PRKCZ: variants seen among roughly 807,000 people sequenced by gnomAD.
PRKCZ encodes the protein protein kinase C zeta, also known as protein kinase C zeta type.
A neutral mutation model predicts 79.5 loss-of-function variants in PRKCZ; 33 were observed. The ratio of observed to expected loss-of-function variants is 0.41; its 90% CI spans 0.31 to 0.55. The LOEUF (loss-of-function observed/expected upper bound fraction) is 0.55, where lower values mean the gene tolerates loss of function less well. PRKCZ is among the 20% of genes least tolerant of loss of function. The pLI is 0.19. For missense variants in PRKCZ, 578 were observed against 813.5 expected (o/e 0.71, Z 3.52); for synonymous variants, 342 against 320.9 (o/e 1.07, Z -0.70).
chr1:2,145,374 C>T (rs1312012562), intron 6 of PRKCZ: 1 of 152,198 alleles, frequency 6.6e-6, no homozygotes, highest in East Asian at 1.9e-4. Context: ...CCCCCTGATG[C>T]TTGGTTACTG....
At chr1:2,051,107 G>A (rs28709994) in intron 1 of PRKCZ, 12,177 of 157,942 alleles carry the variant, frequency 0.077, 658 homozygotes, top group East Asian at 0.24. Flanking sequence ...ACCCGGTCGG[G>A]GGTCTCGCTT....
chr1:2,068,099 C>T (rs902954891), intron 4 of PRKCZ, among the ~76,000 whole-genome samples: 1 of 152,262 alleles, frequency 6.6e-6, no homozygotes, highest in Non-Finnish European at 1.5e-5. Flanking sequence ...CAGTACGTTC[C>T]TTGGGGCAGC....
At chr1:2,140,705 A>G (rs1181616729) in intron 5 of PRKCZ, among the ~76,000 whole-genome samples, 1 of 152,112 alleles carries the variant, frequency 6.6e-6, no homozygotes, top group African/African-American at 2.4e-5. Context: ...GCAGTAGCTC[A>G]CACCTGTAAT....
chr1:2,137,485 A>G (rs1175122291), intron 5 of PRKCZ, among the ~76,000 whole-genome samples: 2 of 152,228 alleles, frequency 1.3e-5, no homozygotes, highest in African/African-American at 4.8e-5. Flanking sequence ...ACAGTGCCGC[A>G]GGGCTGCGCC....
At chr1:2,141,561 A>G (rs2945573) in intron 5 of PRKCZ, 116,503 of 152,394 alleles carry the variant, frequency 0.76, 45,159 homozygotes, top group African/African-American at 0.9. Flanking sequence ...GGTCAGGCTG[A>G]TCTCGAACTC....
At chr1:2,059,148 G>C (rs986471062) in intron 3 of PRKCZ, among the ~76,000 whole-genome samples, 2 of 152,170 alleles carry the variant, frequency 1.3e-5, no homozygotes, top group African/African-American at 4.8e-5. Flanking sequence ...GGAAGCCCAG[G>C]ATATATGTTA....
At chr1:2,073,829 C>A in intron 4 of PRKCZ, 1 of 1,040,228 alleles carries the variant, frequency 9.6e-7, no homozygotes, top group Non-Finnish European at 1.2e-6. Context: ...GGCGAGCCGA[C>A]GCAGCATCAG....
At chr1:2,073,515 G>T (rs16824694) in intron 4 of PRKCZ, 4 of 623,892 alleles carry the variant, frequency 6.4e-6, no homozygotes, top group Non-Finnish European at 6.0e-6. Flanking sequence ...TTCTGATGTC[G>T]CATTTTCAAG....
At chr1:2,140,519 T>G (rs539014033) in intron 5 of PRKCZ, among the ~76,000 whole-genome samples, 4 of 151,282 alleles carry the variant, frequency 2.6e-5, no homozygotes, top group South Asian at 2.1e-4. Context: ...TAGCCAGGCG[T>G]GGTGGTGGGT....
rs759091849 is a variant in PRKCZ at position 2,055,607 on chromosome 1, C to G, written c.193+45C>G. 3 of 1,588,212 alleles carry G rather than the reference C, an allele frequency of 1.9e-6. No homozygotes were observed. The East Asian group carries it at 6.8e-5, about 36-fold the overall frequency. ...GGCCAGAATCCTCAGCCTCAGGGGA[C>G]TTCGCCAGGGCAGCCTCTGTGTGCG... On this transcript the variant is annotated intron_variant, in intron 2 of 17. Coordinates refer to ENST00000378567, the MANE Select transcript of PRKCZ (RefSeq NM_002744.6).
At chr1:2,071,345 C>T (rs1033841018) in intron 4 of PRKCZ, 27 of 468,930 alleles carry the variant, frequency 5.8e-5, no homozygotes, top group Non-Finnish European at 1.1e-4. Context: ...GTGTTCCAGG[C>T]CCCGGCGGCG....
chr1:2,154,760 A>G (rs1389790536), intron 9 of PRKCZ, among the ~76,000 whole-genome samples: 2 of 152,180 alleles, frequency 1.3e-5, no homozygotes, highest in Non-Finnish European at 2.9e-5. Context: ...GTCCAGCTCT[A>G]CTTTCTGGGG....
At position 2,174,029 on chromosome 1, in the gene PRKCZ, C is replaced by G. The variant is rs1180081643; in HGVS notation, c.1405+13C>G. 2 of 1,591,778 alleles carry G rather than the reference C, an allele frequency of 1.3e-6. No individual in the cohort carries two copies. The highest frequency in any genetic ancestry group is 2.7e-5 in the African/African-American group (2 of 74,492). On this transcript the variant is annotated intron_variant, in intron 14 of 17. Coordinates refer to ENST00000378567, the MANE Select transcript of PRKCZ (RefSeq NM_002744.6). This position sits in a 1 kb window ranked among gnomAD's most constrained non-coding sequence, Gnocchi z 6.2. Reference sequence around the variant, plus strand: ...TACCTTTTCCAAGGTGCGTGCCCCGCTGTGCGTTCGTACCCCTCACCTGCA... The same window carrying G: ...TACCTTTTCCAAGGTGCGTGCCCCGGTGTGCGTTCGTACCCCTCACCTGCA...
chr1:2,103,172 G>A (rs1667793056), intron 4 of PRKCZ, among the ~76,000 whole-genome samples: 1 of 152,138 alleles, frequency 6.6e-6, no homozygotes, highest in Non-Finnish European at 1.5e-5. Flanking sequence ...GGTTTTTGGG[G>A]GGCAAGAATT....
At position 2,121,543 on chromosome 1, in the gene PRKCZ, TATC is replaced by T. The variant is rs60501185; in HGVS notation, c.335-13717_335-13715del. On this transcript the variant is annotated intron_variant, in intron 4 of 17. Transcript: ENST00000378567. The stretch of plus-strand genomic sequence containing the variant: ...AAGGTCATGGCAGTAGTTAGGGTTA[TATC>T]AGTAGTTAGGGCTATGGCTGTAGTT... Among the ~76,000 whole-genome samples, 62 of 12,626 alleles carry T rather than the reference TATC, an allele frequency of 4.9e-3. 3 individuals carry two copies. The highest frequency in any genetic ancestry group is 0.028 in the Middle Eastern group (1 of 36). 8.3% of individuals were successfully genotyped at this position (12,626 alleles called of 152,430 possible).
intron 4 of PRKCZ, among the ~76,000 whole-genome samples, chr1:2,084,948 G>A (rs1664213254): frequency 6.6e-6 from 1 of 152,076 alleles, no homozygotes; most frequent in Admixed American, 6.6e-5. Context: ...GTTCGAGGCT[G>A]CAGTGAGCTG....
At chr1:2,068,933 T>C (rs1341065255) in intron 4 of PRKCZ, among the ~76,000 whole-genome samples, 2 of 152,130 alleles carry the variant, frequency 1.3e-5, no homozygotes, top group Non-Finnish European at 2.9e-5. Context: ...GACGCCCCTT[T>C]CGGACCCCTC....
chr1:2,102,084 C>T (rs1464333548), intron 4 of PRKCZ, among the ~76,000 whole-genome samples: 1 of 152,108 alleles, frequency 6.6e-6, no homozygotes, highest in Non-Finnish European at 1.5e-5. Context: ...GTCACCGCTC[C>T]TACCCAGTAG....
chr1:2,161,660 G>A (rs1307281679), intron 10 of PRKCZ, among the ~76,000 whole-genome samples: 3 of 152,218 alleles, frequency 2.0e-5, no homozygotes, highest in African/African-American at 4.8e-5. Context: ...AGGTGTCATT[G>A]CCATTCGGGG....
Sources: allele counts gnomAD v4.1 joint callset (sites outside exome capture counted in the v4.1 genomes callset), GRCh38; gene constraint gnomAD v4.1.1; non-coding constraint Gnocchi (gnomAD v3.1); transcripts MANE v1.5; gene names NCBI Gene and HGNC (gene_info 2026-07-23, HGNC 2026-07-21).